HDC: variants seen among roughly 807,000 people sequenced by gnomAD.
HDC encodes histidine decarboxylase.
In HDC, 27 loss-of-function variants were observed where a neutral mutation model predicts 64.4. That is an observed-to-expected ratio of 0.42 (90% CI 0.31 to 0.58). The LOEUF (loss-of-function observed/expected upper bound fraction) is 0.58. HDC is among the 20% of genes least tolerant of loss of function. The probability of loss-of-function intolerance (pLI) is 0.16; values close to 1 mark genes in which losing one functional copy is unlikely to be tolerated. For synonymous variants in HDC, 305 were observed against 314.2 expected, an observed-to-expected ratio of 0.97 and a Z score of 0.31; for missense variants, 711 against 833.9, an observed-to-expected ratio of 0.85 and a Z score of 1.81.
Position 50,265,656 on chromosome 15 carries a change from G to A in HDC, c.-33C>T. 3.7e-6 allele frequency: 6 copies of A among 1,612,144 alleles called. No individual in the cohort carries two copies. Among genetic ancestry groups the A allele is most frequent in the Non-Finnish European group, 5.1e-6 (6 of 1,178,276 alleles). On this transcript the variant is annotated 5_prime_UTR_variant, in exon 1 of 12. Transcript: ENST00000267845. Reference sequence around the variant, plus strand: ...GGGCTCTGGCTCCTTCTCACAGATGGACACGCAGGAGGTGGAAGGCGTGAA... The same window carrying A: ...GGGCTCTGGCTCCTTCTCACAGATGAACACGCAGGAGGTGGAAGGCGTGAA...
intron 10 of HDC, among the ~76,000 whole-genome samples, chr15:50,244,256 AAG>A (rs946788815): frequency 2.7e-5 from 4 of 150,796 alleles, no homozygotes; most frequent in African/African-American, 9.8e-5. Context: ...GCTCTATTTC[AAG>A]AGAGGGCAAG....
chr15:50,250,501 G>A (rs2045540312), intron 9 of HDC, among the ~76,000 whole-genome samples: 1 of 151,390 alleles, frequency 6.6e-6, no homozygotes, highest in Admixed American at 6.6e-5. Flanking sequence ...CTGGAAGACA[G>A]AGAGCACTGT....
intron 1 of HDC, among the ~76,000 whole-genome samples, chr15:50,264,729 A>C (rs1237889243): frequency 6.6e-6 from 1 of 152,060 alleles, no homozygotes; most frequent in African/African-American, 2.4e-5. Context: ...AACAGAACCA[A>C]CCCCAGACAA....
intron 10 of HDC, among the ~76,000 whole-genome samples, chr15:50,246,183 T>C (rs2140926131): frequency 6.6e-6 from 1 of 152,288 alleles, no homozygotes; most frequent in East Asian, 1.9e-4. Context: ...CAGGTTAGAG[T>C]GACCACCCCA....
At chr15:50,253,513 C>T in intron 7 of HDC, 87 bp downstream of exon 7, 1 of 1,164,324 alleles carries the variant, frequency 8.6e-7, no homozygotes, top group Non-Finnish European at 1.3e-6. Flanking sequence ...CAAGAATAAT[C>T]CCATAGAGCT....
intron 9 of HDC, among the ~76,000 whole-genome samples, chr15:50,251,843 AAG>A (rs1315216822): frequency 0.01 from 1,519 of 151,334 alleles, 20 homozygotes; most frequent in African/African-American, 0.036. Context: ...GAAAAAAAAA[AAG>A]AAAGAAAGAA....
intron 2 of HDC, among the ~76,000 whole-genome samples, chr15:50,262,373 G>A (rs1335154337): frequency 6.6e-6 from 1 of 152,208 alleles, no homozygotes; most frequent in Non-Finnish European, 1.5e-5. Flanking sequence ...CAGGGCCACT[G>A]GGAAGATTAA....
chr15:50,254,064 C>G, intron 6 of HDC, 66 bp downstream of exon 6: 2 of 1,570,482 alleles, frequency 1.3e-6, no homozygotes, highest in Non-Finnish European at 1.7e-6. Context: ...TACCTGAATT[C>G]TGCCAAAATT....
intron 10 of HDC, among the ~76,000 whole-genome samples, chr15:50,246,342 T>C (rs1052947992): frequency 2.3e-4 from 35 of 152,276 alleles, no homozygotes; most frequent in African/African-American, 7.7e-4. Flanking sequence ...TTTCTTCTAT[T>C]GTGGGACATT....
chr15:50,254,391 A>T, intron 5 of HDC, 118 bp from the exon 6 acceptor site: 1 of 1,526,742 alleles, frequency 6.5e-7, no homozygotes, highest in Non-Finnish European at 9.1e-7. Context: ...TGTCTTCCCT[A>T]CAGTTGCTGG....
rs151179230 is a variant in HDC at position 50,264,005 on chromosome 15, G to A, written c.32-598C>T. Among the ~76,000 whole-genome samples the A allele has an allele frequency of 5.9e-4, 90 of 152,122 alleles. No homozygotes were observed. The East Asian group carries it at 0.015, about 26-fold the overall frequency. On this transcript the variant is annotated intron_variant, in intron 1 of 11. Coordinates refer to ENST00000267845, the MANE Select transcript of HDC (RefSeq NM_002112.4). Reference sequence around the variant, plus strand: ...TCCTTTATCCACTTCAATTTTGATTGTCTCTCCTACCTTTCTTTCCTTCTC... The same window carrying A: ...TCCTTTATCCACTTCAATTTTGATTATCTCTCCTACCTTTCTTTCCTTCTC...
At chr15:50,243,275 T>C (rs1413923181) in intron 10 of HDC, 31 bp from the exon 11 acceptor site, 1 of 1,369,950 alleles carries the variant, frequency 7.3e-7, no homozygotes, top group East Asian at 2.3e-5. Flanking sequence ...AGAACTGAGA[T>C]TAATCATCAG....
chr15:50,242,416 C>A lies in HDC; in HGVS notation c.1833G>T (p.Arg611Ser), dbSNP rs771267720. ...EASVKNGGSS[R>S]VRIFSRFPED... ...CTGGAAACCTGGAAAAGATTCTGACCCTGGAGGAGCCCCCATTCTTCACAG... is the reference window on the plus strand; with the variant it reads ...CTGGAAACCTGGAAAAGATTCTGACACTGGAGGAGCCCCCATTCTTCACAG... Residue 611 changes from arginine to serine, a missense_variant, in exon 12 of 12, where the codon AGG becomes AGT. By Grantham distance (110) the Arg-to-Ser change is moderately radical (BLOSUM62 -1). Coordinates refer to ENST00000267845, the MANE Select transcript of HDC (RefSeq NM_002112.4). 3.4e-5 allele frequency: 55 copies of A among 1,614,028 alleles called. No individual in the cohort carries two copies. Among genetic ancestry groups the A allele is most frequent in the Middle Eastern group, 1.6e-4 (1 of 6,084 alleles).
rs2045517451 is a variant in HDC, at chr15:50,248,860, C to T, written c.1042-517G>A. 6.6e-6 allele frequency among the ~76,000 whole-genome samples: 1 copy of T among 152,212 alleles called. No homozygotes were observed. Among genetic ancestry groups the T allele is most frequent in the East Asian group, 1.9e-4 (1 of 5,204 alleles). On this transcript the variant is annotated intron_variant, in intron 9 of 11. Transcript: ENST00000267845. The surrounding 1 kb of genome is among the most constrained non-coding windows in gnomAD (Gnocchi z 4.3). ...ACCTTGGGTAGTGCCACCTCACTGGCTCATCAGTCCGGGACATAAAGAACC... is the reference window on the plus strand; with the variant it reads ...ACCTTGGGTAGTGCCACCTCACTGGTTCATCAGTCCGGGACATAAAGAACC...
Position 50,263,388 on chromosome 15 carries a change from G to A in HDC, c.51C>T (p.Tyr17=). The A allele has an allele frequency of 1.9e-6, 3 of 1,614,172 alleles. No homozygotes were observed. The highest frequency in any genetic ancestry group is 2.5e-6 in the Non-Finnish European group (3 of 1,179,992). Residue 17 remains tyrosine, a synonymous_variant, in exon 2 of 12, where the codon TAC becomes TAT. Transcript: ENST00000267845. ...YRERGREMVD[Y]ICQYLSTVRE... The stretch of plus-strand genomic sequence containing the variant: ...GCACAGTGCTCAGGTACTGGCAGAT[G>A]TAATCCACCATCTCTCTCCCTAGAA...
At chr15:50,265,510 C>G (rs765615542) in intron 1 of HDC, 83 bp downstream of exon 1, 81 of 1,259,532 alleles carry the variant, frequency 6.4e-5, no homozygotes, top group Non-Finnish European at 8.8e-5. Flanking sequence ...CAAATGTCAC[C>G]CCAGAATCTA....
chr15:50,252,812 T>C lies in HDC; in HGVS notation c.788-38A>G, dbSNP rs1344233655. On this transcript the variant is annotated intron_variant, in intron 7 of 11. Transcript: ENST00000267845. ...ACATCACCTGGCCGGAGGGGAGGTATGAAGTGGGGAAAGATGTCTCGCACC... is the reference window on the plus strand; with the variant it reads ...ACATCACCTGGCCGGAGGGGAGGTACGAAGTGGGGAAAGATGTCTCGCACC... 6 of 1,584,974 alleles carry C rather than the reference T, an allele frequency of 3.8e-6. No individual in the cohort carries two copies. The African/African-American group carries it at 4.0e-5, about 11-fold the overall frequency.
Position 50,248,246 on chromosome 15 carries a change from T to C in HDC, c.1139A>G (p.His380Arg). The C allele has an allele frequency of 6.2e-7, 1 of 1,603,762 alleles. No homozygotes were observed. Among genetic ancestry groups the C allele is most frequent in the Non-Finnish European group, 8.5e-7 (1 of 1,170,538 alleles). Reference sequence around the variant, plus strand: ...CCCCCACAGCAGCATGCTACATACATGTCTGACATGTGCTTGAAGATTCTT... The same window carrying C: ...CCCCCACAGCAGCATGCTACATACACGTCTGACATGTGCTTGAAGATTCTT... ...GVKNLQAHVR[H>R]GTEMAKYFES... The change falls in exon 10 of 12, where the codon CAT (histidine) becomes CGT (arginine). Residue 380 changes from histidine to arginine, a missense_variant and splice_region_variant. By Grantham distance (29) the His-to-Arg change is conservative. Around this residue, in one of 3 missense-constraint regions of HDC, gnomAD observed 483 missense variants for 540.9 expected, o/e 0.89. Coordinates refer to ENST00000267845, the MANE Select transcript of HDC (RefSeq NM_002112.4). This position sits in a 1 kb window ranked among gnomAD's most constrained non-coding sequence, Gnocchi z 4.3.
chr15:50,256,616 G>A (rs1417697976), intron 4 of HDC, among the ~76,000 whole-genome samples: 1 of 152,142 alleles, frequency 6.6e-6, no homozygotes, highest in Non-Finnish European at 1.5e-5. Flanking sequence ...GAACTCCTGG[G>A]CTCAAGTGAT....
Sources: gnomAD v4.1 joint callset for allele counts (sites outside exome capture counted in the v4.1 genomes callset) on GRCh38, gnomAD v4.1.1 for gene constraint, gnomAD v4.1.1 regional missense constraint, Gnocchi (gnomAD v3.1) non-coding constraint, MANE v1.5 for transcripts, NCBI Gene and HGNC (gene_info 2026-07-23, HGNC 2026-07-21) for gene names.